SLC52A3: variants seen among roughly 807,000 people sequenced by gnomAD.
The protein encoded by SLC52A3 is solute carrier family 52, riboflavin transporter, member 3.
In SLC52A3, 20 loss-of-function variants were observed where a neutral mutation model predicts 29.5. The observed-to-expected ratio is 0.68, with a 90% CI of 0.48 to 0.99. The LOEUF (loss-of-function observed/expected upper bound fraction) is 0.99. SLC52A3 is among the 50% of genes least tolerant of loss of function. SLC52A3 has a pLI of 0.00. For synonymous variants in SLC52A3, 301 were observed against 271.0 expected (o/e 1.11, Z -1.09); for missense variants, 548 against 612.9 (o/e 0.89, Z 1.12).
chr20:772,639 G>A (rs1389161050), upstream of SLC52A3, among the ~76,000 whole-genome samples: 1 of 150,410 alleles, frequency 6.6e-6, no homozygotes, highest in Non-Finnish European at 1.5e-5. Context: ...CAGTGACCTT[G>A]CAGTTCTTAT....
At chr20:773,327 T>C (rs1326647561), upstream of SLC52A3, among the ~76,000 whole-genome samples, 3 of 152,208 alleles carry the variant, frequency 2.0e-5, no homozygotes, top group Non-Finnish European at 2.9e-5. Flanking sequence ...TGTCAAATCT[T>C]GTTCCACAAT....
rs772400468 is a variant in SLC52A3 at position 761,795 on chromosome 20, A to G, written c.1103T>C (p.Val368Ala). 1 of 1,614,192 alleles carries G rather than the reference A, an allele frequency of 6.2e-7. No individual in the cohort carries two copies. The highest frequency in any genetic ancestry group is 1.7e-5 in the Admixed American group (1 of 60,020). The change falls in exon 4 of 5, where the codon GTG (valine) becomes GCG (alanine). Residue 368 changes from valine to alanine, a missense_variant. This residue lies in a region of SLC52A3 where 173 missense variants were observed against 141.8 expected (regional missense o/e 1.22). Transcript: ENST00000645534. ...GTAGCCCCCAAAGCAGGTCCCAAGC[A>G]CGGAGAGGACCCCCAGGAACAGCAG... ...RSLLFLGVLSVLGTCFGGYNM... is the reference protein window; with the variant it reads ...RSLLFLGVLSALGTCFGGYNM...
rs1697993223 is a variant in SLC52A3, at chr20:761,141, C to T, written c.1295G>A (p.Cys432Tyr). 6.3e-7 allele frequency: 1 copy of T among 1,591,576 alleles called. No individual in the cohort carries two copies. Among genetic ancestry groups the T allele is most frequent in the Non-Finnish European group, 8.5e-7 (1 of 1,170,356 alleles). The change falls in exon 5 of 5, where the codon TGC becomes TAC. Residue 432 changes from cysteine (C) to tyrosine (Y), a missense_variant. Cys to Tyr is a radical substitution (Grantham distance 194, BLOSUM62 -2). Coordinates refer to ENST00000645534, the MANE Select transcript of SLC52A3 (RefSeq NM_033409.4). ...RDLSRSALLW[C>Y]GAAVQLGSLL... ...CGAGCCCAGCTGCACCGCCGCCCCG[C>T]ACCACAAGAGGGCGCTGCGGCTGAG... is the stretch of plus-strand genomic sequence containing the variant.
chr20:763,956 G>C lies in SLC52A3; in HGVS notation c.615C>G (p.Pro205=). ...GGTAGCGGCTCTCCAGGTGGGACAA[G>C]GGTGCTTCCATTCCGGGGAGGGCGG... ...LVSALPGMEA[P]LSHLESRYLP... The change falls in exon 3 of 5, where the codon CCC becomes CCG. Residue 205 remains proline (P), a synonymous_variant. Coordinates refer to ENST00000645534, the MANE Select transcript of SLC52A3 (RefSeq NM_033409.4). The C allele has an allele frequency of 6.2e-7, 1 of 1,610,836 alleles. No homozygotes were observed. Among genetic ancestry groups the C allele is most frequent in the African/African-American group, 1.3e-5 (1 of 74,944 alleles).
At chr20:776,863 G>A (rs77120814), upstream of SLC52A3, among the ~76,000 whole-genome samples, 4 of 150,850 alleles carry the variant, frequency 2.7e-5, no homozygotes, top group African/African-American at 7.3e-5. Context: ...TTTTGGGGGG[G>A]GGGCCACAGG....
At chr20:778,017 T>C (rs566732091), upstream of SLC52A3, among the ~76,000 whole-genome samples, 862 of 151,648 alleles carry the variant, frequency 5.7e-3, 8 homozygotes, top group African/African-American at 0.018. Context: ...GACTTTCTTT[T>C]TTTTTTTTTT....
rs1444386823 is a variant in SLC52A3 at position 765,222 on chromosome 20, T to C, written c.553A>G (p.Thr185Ala). ...ATGCTGGGTACCTGTGCGATGTCAG[T>C]CTCCCTCGTGGGTACAGGGCTTGGT... ...SVPSPVPTRE[T>A]DIAQGVPRAL... Residue 185 changes from threonine to alanine, a missense_variant, in exon 2 of 5, where the codon ACT (threonine) becomes GCT (alanine). Physicochemically the swap from Thr to Ala is moderately conservative, Grantham distance 58. Transcript: ENST00000645534. This position sits in a 1 kb window ranked among gnomAD's most constrained non-coding sequence, Gnocchi z 6.6. 3 of 1,614,002 alleles carry C rather than the reference T, an allele frequency of 1.9e-6. No individual in the cohort carries two copies. Among genetic ancestry groups the C allele is most frequent in the African/African-American group, 1.3e-5 (1 of 74,902 alleles).
At chr20:761,538 G>A in intron 4 of SLC52A3, 163 bp downstream of exon 4, 1 of 1,060,030 alleles carries the variant, frequency 9.4e-7, no homozygotes, top group Non-Finnish European at 1.4e-6. Context: ...GATTCCCTAA[G>A]CCTCCACTCC....
At position 760,872 on chromosome 20, in the gene SLC52A3, A is replaced by G; in HGVS notation, c.*154T>C. 1.4e-6 allele frequency: 1 copy of G among 724,596 alleles called. No homozygotes were observed. The allele number at this position is 724,596 out of a possible 1,614,324, so 44.9% of individuals were successfully genotyped here. On this transcript the variant is annotated 3_prime_UTR_variant, in exon 5 of 5. Transcript: ENST00000645534. The surrounding 1 kb of genome is among the most constrained non-coding windows in gnomAD (Gnocchi z 4.9). ...GGATAGAGCCGCACCTTGCATTTCC[A>G]GGTGCCATCTTCCCCACAGTCCCCA...
Position 765,329 on chromosome 20 carries a change from C to A in SLC52A3, c.446G>T (p.Gly149Val), listed in dbSNP as rs749668781. The A allele has an allele frequency of 4.3e-6, 7 of 1,613,966 alleles. No individual in the cohort carries two copies. The highest frequency in any genetic ancestry group is 5.9e-6 in the Non-Finnish European group (7 of 1,180,006). ...TTFFVGEGLSGLLPALVALAQ... is the reference protein window; with the variant it reads ...TTFFVGEGLSVLLPALVALAQ... The stretch of plus-strand genomic sequence containing the variant: ...AAGAGCCACCAGGGCGGGCAAGAGG[C>A]CGCTGAGTCCTTCACCCACAAAGAA... Residue 149 changes from glycine to valine, a missense_variant, in exon 2 of 5, where the codon GGC becomes GTC. Transcript: ENST00000645534. This position sits in a 1 kb window ranked among gnomAD's most constrained non-coding sequence, Gnocchi z 6.6.
intron 2 of SLC52A3, among the ~76,000 whole-genome samples, chr20:764,219 C>T (rs1986596632): frequency 6.6e-6 from 1 of 152,208 alleles, no homozygotes; most frequent in African/African-American, 2.4e-5. Flanking sequence ...CCTAACAGGG[C>T]TGCACAGTGG....
At chr20:769,108 G>A (rs756835809), upstream of SLC52A3, among the ~76,000 whole-genome samples, 8 of 152,208 alleles carry the variant, frequency 5.3e-5, no homozygotes, top group Non-Finnish European at 5.9e-5. Flanking sequence ...AGGTGGAAGG[G>A]CCTTTCTCAA....
At position 765,787 on chromosome 20, in the gene SLC52A3, C is replaced by T. The variant is rs774708947; in HGVS notation, c.-13G>A. ...TCAGGAAGGCCATGGCGGTATCTGC[C>T]CTGGGCCAGAGGCTTTCTCAGATCA... On this transcript the variant is annotated 5_prime_UTR_variant, in exon 2 of 5. Coordinates refer to ENST00000645534, the MANE Select transcript of SLC52A3 (RefSeq NM_033409.4). This position sits in a 1 kb window ranked among gnomAD's most constrained non-coding sequence, Gnocchi z 6.6. 3.4e-6 allele frequency: 3 copies of T among 872,796 alleles called. No individual in the cohort carries two copies. The African/African-American group carries it at 9.2e-5, about 27-fold the overall frequency. 54.1% of individuals were successfully genotyped at this position (872,796 alleles called of 1,614,324 possible).
In SLC52A3 at chr20:761,177, A is replaced by C; in HGVS notation, c.1259T>G (p.Val420Gly). The part of the protein sequence containing the change: ...LSYVKVMLGV[V>G]LRDLSRSALL... ...GGCGCTGCGGCTGAGGTCGCGCAGG[A>C]CCACGCCCAGCATCACCTTGACGTA... The change falls in exon 5 of 5, where the codon GTC becomes GGC. Residue 420 changes from valine to glycine, a missense_variant. Physicochemically the swap from Val to Gly is moderately radical, Grantham distance 109 (BLOSUM62 -3). This residue lies in a region of SLC52A3 where 173 missense variants were observed against 141.8 expected (regional missense o/e 1.22). Transcript: ENST00000645534. 6 of 1,572,676 alleles carry C rather than the reference A, an allele frequency of 3.8e-6. No homozygotes were observed. The highest frequency in any genetic ancestry group is 5.2e-6 in the Non-Finnish European group (6 of 1,160,680).
chr20:773,235 T>A (rs1343065557), upstream of SLC52A3, among the ~76,000 whole-genome samples: 1 of 152,146 alleles, frequency 6.6e-6, no homozygotes, highest in African/African-American at 2.4e-5. Flanking sequence ...ACAATCACCA[T>A]GACAACAGTG....
At chr20:779,074 G>T (rs1987144228), upstream of SLC52A3, among the ~76,000 whole-genome samples, 1 of 152,122 alleles carries the variant, frequency 6.6e-6, no homozygotes, top group South Asian at 2.1e-4. Flanking sequence ...TAATCCTGTG[G>T]CCTTAGGAAG....
At chr20:761,597 C>T in intron 4 of SLC52A3, 104 bp downstream of exon 4, 2 of 1,547,938 alleles carry the variant, frequency 1.3e-6, no homozygotes, top group South Asian at 2.4e-5. Context: ...CGGGAGGGTC[C>T]CACAGACCCC....
intron 1 of SLC52A3, among the ~76,000 whole-genome samples, chr20:773,753 T>C (rs1714302254): frequency 6.6e-6 from 1 of 152,124 alleles, no homozygotes; most frequent in African/African-American, 2.4e-5. Context: ...GCTAGAAGGA[T>C]CAGTTCCAGG....
intron 3 of SLC52A3, 87 bp from the exon 4 acceptor site, chr20:761,911 G>A: frequency 6.3e-7 from 1 of 1,587,376 alleles, no homozygotes; most frequent in Non-Finnish European, 8.6e-7. Context: ...GATGGCCAGT[G>A]TCTCCATAGT....
Sources: gnomAD v4.1 joint callset for allele counts (sites outside exome capture counted in the v4.1 genomes callset) on GRCh38, gnomAD v4.1.1 for gene constraint, gnomAD v4.1.1 regional missense constraint, Gnocchi (gnomAD v3.1) non-coding constraint, MANE v1.5 for transcripts, NCBI Gene and HGNC (gene_info 2026-07-23, HGNC 2026-07-21) for gene names.